Variants in PPP1R9A observed in about 807,000 individuals in gnomAD.
The protein encoded by PPP1R9A is neurabin-1.
In PPP1R9A, 59 loss-of-function variants were observed where a neutral mutation model predicts 141.9. That is an observed-to-expected ratio of 0.42 (90% CI 0.34 to 0.52). The LOEUF (loss-of-function observed/expected upper bound fraction) is 0.52, where lower values mean the gene tolerates loss of function less well. Among genes scored for constraint, PPP1R9A ranks in the 20% least tolerant of loss-of-function variants. The pLI is 0.10. For synonymous variants in PPP1R9A, 500 were observed against 569.7 expected (o/e 0.88, Z 1.74); for missense variants, 1,444 against 1,611.9 (o/e 0.90, Z 1.78).
At chr7:95,048,793 C>T (rs532509060) in intron 2 of PPP1R9A, among the ~76,000 whole-genome samples, 1 of 152,214 alleles carries the variant, frequency 6.6e-6, no homozygotes, top group East Asian at 1.9e-4. Context: ...GATCTGCGCA[C>T]CTCAGCCTCC....
At chr7:94,987,299 A>T (rs1286226943) in intron 2 of PPP1R9A, among the ~76,000 whole-genome samples, 1 of 152,208 alleles carries the variant, frequency 6.6e-6, no homozygotes, top group Non-Finnish European at 1.5e-5. Context: ...AAATTTATTT[A>T]AAAGAAAAAA....
At chr7:95,055,319 A>T (rs1422131560) in intron 2 of PPP1R9A, among the ~76,000 whole-genome samples, 1 of 152,098 alleles carries the variant, frequency 6.6e-6, no homozygotes, top group Non-Finnish European at 1.5e-5. Flanking sequence ...TTTTCTGTTG[A>T]GAACTCTAGT....
chr7:95,251,897 T>C (rs373927862), intron 11 of PPP1R9A, 39 bp downstream of exon 11: 26 of 1,610,266 alleles, frequency 1.6e-5, no homozygotes, highest in Non-Finnish European at 2.2e-5. Flanking sequence ...AATAAGATGG[T>C]TTTGCTGTAC....
chr7:95,163,983 C>A (rs1050665593), intron 5 of PPP1R9A, among the ~76,000 whole-genome samples: 3 of 152,172 alleles, frequency 2.0e-5, no homozygotes, highest in African/African-American at 7.2e-5. Flanking sequence ...GGTAATCCAC[C>A]CACCTTAGCC....
At chr7:95,049,612 A>G (rs1206062088) in intron 2 of PPP1R9A, among the ~76,000 whole-genome samples, 1 of 152,152 alleles carries the variant, frequency 6.6e-6, no homozygotes, top group Non-Finnish European at 1.5e-5. Flanking sequence ...TGATATATGT[A>G]TAATGACATA....
chr7:95,191,090 G>C (rs961613557), intron 5 of PPP1R9A, among the ~76,000 whole-genome samples: 1 of 152,114 alleles, frequency 6.6e-6, no homozygotes, highest in Non-Finnish European at 1.5e-5. Flanking sequence ...CTTCAATTTA[G>C]TAAATTGTAA....
At chr7:95,242,309 A>G (rs1797568938) in intron 8 of PPP1R9A, among the ~76,000 whole-genome samples, 2 of 152,156 alleles carry the variant, frequency 1.3e-5, no homozygotes, top group South Asian at 4.1e-4. Flanking sequence ...GTTCTATGCA[A>G]ATATTAGTTA....
intron 2 of PPP1R9A, among the ~76,000 whole-genome samples, chr7:95,024,132 A>T (rs2151752170): frequency 6.6e-6 from 1 of 152,224 alleles, no homozygotes. Context: ...ATTTGATTGC[A>T]CTGTGATCTG....
At chr7:94,909,477 A>G (rs1791210000) in intron 1 of PPP1R9A, among the ~76,000 whole-genome samples, 1 of 152,236 alleles carries the variant, frequency 6.6e-6, no homozygotes, top group South Asian at 2.1e-4. Context: ...AATAAGTTCT[A>G]CCTAATTGTG....
At chr7:95,185,080 T>C (rs1454065100) in intron 5 of PPP1R9A, among the ~76,000 whole-genome samples, 2 of 151,916 alleles carry the variant, frequency 1.3e-5, no homozygotes, top group Admixed American at 6.6e-5. Flanking sequence ...TTAGGGTACA[T>C]GTGCACATTG....
intron 12 of PPP1R9A, among the ~76,000 whole-genome samples, chr7:95,255,191 A>T (rs1043917568): frequency 2.0e-5 from 3 of 152,144 alleles, no homozygotes; most frequent in Admixed American, 1.3e-4. Flanking sequence ...GGATTAGGAT[A>T]AAAACAGAGA....
chr7:94,996,041 G>T (rs1802123650), intron 2 of PPP1R9A, among the ~76,000 whole-genome samples: 1 of 152,082 alleles, frequency 6.6e-6, no homozygotes, highest in East Asian at 1.9e-4. Flanking sequence ...TCACTAGTGA[G>T]ACAAAGTCCT....
At chr7:95,075,559 G>A (rs1415766641) in intron 2 of PPP1R9A, among the ~76,000 whole-genome samples, 1 of 152,164 alleles carries the variant, frequency 6.6e-6, no homozygotes, top group East Asian at 1.9e-4. Flanking sequence ...GGCTGGGCAT[G>A]GTGGCTCATG....
At chr7:95,143,351 A>G (rs1433562627) in intron 4 of PPP1R9A, among the ~76,000 whole-genome samples, 1 of 152,092 alleles carries the variant, frequency 6.6e-6, no homozygotes, top group Admixed American at 6.6e-5. Context: ...CTAGAAGACA[A>G]ATATTACAAT....
chr7:95,142,392 T>A (rs912786246), intron 4 of PPP1R9A, among the ~76,000 whole-genome samples: 11 of 152,098 alleles, frequency 7.2e-5, no homozygotes, highest in Admixed American at 5.9e-4. Flanking sequence ...TTGTCACTTA[T>A]ACTTTGATCT....
chr7:94,965,307 G>A lies in PPP1R9A; in HGVS notation c.1395+53799G>A, dbSNP rs1039514684. On this transcript the variant is annotated intron_variant, in intron 2 of 19. Transcript: ENST00000433360. ...TGGTAATAGTTTCTTTTGCTGTGCA[G>A]AAGCTCTTTAATTTAATTAGGTCTC... 5.3e-5 allele frequency among the ~76,000 whole-genome samples: 8 copies of A among 152,080 alleles called. No individual in the cohort carries two copies. The East Asian group carries it at 1.5e-3, about 29-fold the overall frequency.
intron 5 of PPP1R9A, among the ~76,000 whole-genome samples, chr7:95,181,064 AC>A (rs1278039804): frequency 1.1e-4 from 16 of 151,460 alleles, no homozygotes; most frequent in Admixed American, 2.0e-4. Flanking sequence ...TGATAAAGAT[AC>A]TTGCACACAC....
intron 2 of PPP1R9A, among the ~76,000 whole-genome samples, chr7:95,023,832 G>A (rs561246138): frequency 2.6e-5 from 4 of 152,276 alleles, no homozygotes; most frequent in South Asian, 2.1e-4. Context: ...GATTACAGGC[G>A]TGAGCCACCA....
intron 2 of PPP1R9A, among the ~76,000 whole-genome samples, chr7:94,994,804 G>A (rs1320862364): frequency 6.6e-6 from 1 of 151,652 alleles, no homozygotes; most frequent in Admixed American, 6.6e-5. Flanking sequence ...TGAGGCAGGA[G>A]AATCACTTGA....
Sources: allele counts gnomAD v4.1 joint callset (sites outside exome capture counted in the v4.1 genomes callset), GRCh38; gene constraint gnomAD v4.1.1; transcripts MANE v1.5; gene names NCBI Gene and HGNC (gene_info 2026-07-23, HGNC 2026-07-21).